The following FBXO28 variants were observed in gnomAD, a reference collection of about 807,000 sequenced individuals.
FBXO28 encodes the protein F-box only protein 28.
In FBXO28, 8 loss-of-function variants were observed where a neutral mutation model predicts 38.1. The ratio of observed to expected loss-of-function variants is 0.21; its 90% confidence interval spans 0.12 to 0.38. FBXO28 has a LOEUF of 0.38. Among genes scored for constraint, FBXO28 ranks in the 10% least tolerant of loss-of-function variants. The pLI, the probability that FBXO28 is intolerant of heterozygous loss-of-function variation, is 1.00. For synonymous variants in FBXO28, 168 were observed against 173.8 expected, an observed-to-expected ratio of 0.97 and a Z score of 0.26; for missense variants, 345 against 460.6, an observed-to-expected ratio of 0.75 and a Z score of 2.30.
chr1:224,151,538 T>G (rs191429704), intron 3 of FBXO28, among the ~76,000 whole-genome samples: 53 of 152,320 alleles, frequency 3.5e-4, no homozygotes, highest in South Asian at 6.2e-4. Flanking sequence ...TTTCTCTGGC[T>G]GTGCTCAGCA....
chr1:224,152,111 A>C (rs572462529), intron 3 of FBXO28, among the ~76,000 whole-genome samples: 37 of 152,210 alleles, frequency 2.4e-4, no homozygotes, highest in Admixed American at 4.6e-4. Flanking sequence ...GGATAACCTC[A>C]CCGAGATGAA....
intron 1 of FBXO28, among the ~76,000 whole-genome samples, chr1:224,125,981 A>C (rs1051428790): frequency 6.6e-6 from 1 of 152,168 alleles, no homozygotes; most frequent in Non-Finnish European, 1.5e-5. Flanking sequence ...AAAACATGGG[A>C]AATTTTATTC....
chr1:224,161,845 T>C lies in FBXO28; in HGVS notation c.*4099T>C, dbSNP rs1213249868. 6.6e-6 allele frequency: 1 copy of C among 152,218 alleles called. No homozygotes were observed. Among genetic ancestry groups the C allele is most frequent in the Non-Finnish European group, 1.5e-5 (1 of 68,034 alleles). 9.4% of individuals were successfully genotyped at this position (152,218 alleles called of 1,614,324 possible). On this transcript the variant is annotated 3_prime_UTR_variant, in exon 5 of 5. Coordinates refer to ENST00000366862, the MANE Select transcript of FBXO28 (RefSeq NM_015176.4). ...CATTGGCAAAGTATATTGGTCCATATTCAAACCTATTCCAAAAGGTTAGAA... is the reference window on the plus strand; with the variant it reads ...CATTGGCAAAGTATATTGGTCCATACTCAAACCTATTCCAAAAGGTTAGAA...
At chr1:224,114,742 T>A (rs940228159) in intron 1 of FBXO28, among the ~76,000 whole-genome samples, 2 of 151,708 alleles carry the variant, frequency 1.3e-5, no homozygotes, top group Non-Finnish European at 2.9e-5. Flanking sequence ...TCATGTCGCC[T>A]GCCTTTTGTA....
chr1:224,139,738 T>C (rs1473942198), intron 3 of FBXO28, among the ~76,000 whole-genome samples: 1 of 129,678 alleles, frequency 7.7e-6, no homozygotes, highest in African/African-American at 3.0e-5. Flanking sequence ...AGACTTCGTC[T>C]GAAATAAATA....
At chr1:224,156,942 C>T (rs1438040444) in intron 4 of FBXO28, among the ~76,000 whole-genome samples, 1 of 148,874 alleles carries the variant, frequency 6.7e-6, no homozygotes, top group Non-Finnish European at 1.5e-5. Flanking sequence ...GCGGAGCTTG[C>T]AGTGAGCCGA....
chr1:224,139,384 A>T (rs1657283272), intron 3 of FBXO28, among the ~76,000 whole-genome samples: 1 of 151,738 alleles, frequency 6.6e-6, no homozygotes, highest in Non-Finnish European at 1.5e-5. Flanking sequence ...AGGAGCTCCC[A>T]TATAGCTTAT....
intron 3 of FBXO28, among the ~76,000 whole-genome samples, chr1:224,138,328 C>T (rs10799486): frequency 0.92 from 140,225 of 151,840 alleles, 65,914 homozygotes; most frequent in Non-Finnish European, 1. Context: ...ATTTTTGGCC[C>T]TGTGAACCTT....
intron 1 of FBXO28, among the ~76,000 whole-genome samples, chr1:224,125,644 T>C (rs1656886535): frequency 6.9e-6 from 1 of 145,364 alleles, no homozygotes; most frequent in Non-Finnish European, 1.5e-5. Context: ...CTCATTCTCT[T>C]TTTTTTTTTT....
chr1:224,155,953 A>T (rs961211789), intron 4 of FBXO28, among the ~76,000 whole-genome samples: 2 of 152,244 alleles, frequency 1.3e-5, no homozygotes, highest in Non-Finnish European at 2.9e-5. Flanking sequence ...AAATGAGAGC[A>T]GAGAAACAAT....
intron 1 of FBXO28, among the ~76,000 whole-genome samples, chr1:224,127,164 TTGTGTGTGTGTGTGTGTGTA>T (rs1202205556): frequency 2.7e-4 from 24 of 88,560 alleles, no homozygotes; most frequent in East Asian, 3.4e-4. Context: ...TGTAAAGTAT[TTGTGTGTGTGTGTGTGTGTA>T]TGTGTGTGTG....
At chr1:224,142,044 ATT>A (rs33975517) in intron 3 of FBXO28, among the ~76,000 whole-genome samples, 114,993 of 149,950 alleles carry the variant, frequency 0.77, 45,315 homozygotes, top group East Asian at 0.89. Context: ...GGCACATTAA[ATT>A]TTTTTTTTTT....
At chr1:224,148,494 C>T (rs1558195878) in intron 3 of FBXO28, among the ~76,000 whole-genome samples, 2 of 150,776 alleles carry the variant, frequency 1.3e-5, no homozygotes, top group Admixed American at 6.6e-5. Context: ...ACTAAAAATA[C>T]AAAAAAAAGA....
intron 1 of FBXO28, among the ~76,000 whole-genome samples, chr1:224,128,545 A>G (rs1318107205): frequency 6.6e-6 from 1 of 152,168 alleles, no homozygotes; most frequent in Non-Finnish European, 1.5e-5. Flanking sequence ...GTTTAATCCT[A>G]ATGATATCCT....
intron 3 of FBXO28, among the ~76,000 whole-genome samples, chr1:224,135,479 G>A (rs528174579): frequency 6.6e-6 from 1 of 151,988 alleles, no homozygotes; most frequent in African/African-American, 2.4e-5. Context: ...GGCTGTAGTG[G>A]CTCGCACCTC....
rs1268772410 is a variant in FBXO28 at position 224,158,040 on chromosome 1, T to A, written c.*294T>A. On this transcript the variant is annotated 3_prime_UTR_variant, in exon 5 of 5. Transcript: ENST00000366862. ...TGTTGAAAGTAAGTTAATTTGTTTC[T>A]GCATATATGCACATACATACGTAAG... is the stretch of plus-strand genomic sequence containing the variant. The A allele has an allele frequency of 1.8e-6, 2 of 1,134,132 alleles. No homozygotes were observed. The highest frequency in any genetic ancestry group is 1.6e-5 in the African/African-American group (1 of 61,858). The allele number at this position is 1,134,132 out of a possible 1,614,324, so 70.3% of individuals were successfully genotyped here.
At chr1:224,133,886 A>G (rs1457250470) in intron 2 of FBXO28, among the ~76,000 whole-genome samples, 188 bp from the exon 3 acceptor site, 4 of 152,004 alleles carry the variant, frequency 2.6e-5, no homozygotes, top group Admixed American at 6.6e-5. Context: ...GTCAATGAGT[A>G]CCAGTCTTTG....
chr1:224,146,344 A>G (rs1010527286), intron 3 of FBXO28, among the ~76,000 whole-genome samples: 1 of 152,164 alleles, frequency 6.6e-6, no homozygotes, highest in Non-Finnish European at 1.5e-5. Flanking sequence ...AAAGTTAAGG[A>G]AATCTCAAGT....
chr1:224,132,662 A>C (rs1196296716), intron 2 of FBXO28, among the ~76,000 whole-genome samples: 1 of 152,068 alleles, frequency 6.6e-6, no homozygotes, highest in Non-Finnish European at 1.5e-5. Flanking sequence ...AAAATTAGCC[A>C]GGCATGATGT....
Sources: gnomAD v4.1 joint callset for allele counts (sites outside exome capture counted in the v4.1 genomes callset) on GRCh38, gnomAD v4.1.1 for gene constraint, MANE v1.5 for transcripts, NCBI Gene and HGNC (gene_info 2026-07-23, HGNC 2026-07-21) for gene names.